The following UBE3C variants were observed in gnomAD, a reference collection of about 807,000 sequenced individuals.
UBE3C encodes ubiquitin-protein ligase E3C.
In UBE3C, 42 loss-of-function variants were observed where a neutral mutation model predicts 129.4. The ratio of observed to expected loss-of-function variants is 0.32; its 90% CI spans 0.25 to 0.42. The LOEUF is 0.42. Ranked by LOEUF, UBE3C falls within the 10% of genes least tolerant of loss-of-function variation. The probability of loss-of-function intolerance (pLI) is 1.00; values close to 1 mark genes in which losing one functional copy is unlikely to be tolerated. For missense variants in UBE3C, 1,049 were observed against 1,319.1 expected (o/e 0.80, Z 3.17); for synonymous variants, 510 against 492.4 (o/e 1.04, Z -0.47).
chr7:157,181,771 C>T (rs1808673009), intron 7 of UBE3C, 100 bp downstream of exon 7: 1 of 1,449,806 alleles, frequency 6.9e-7, no homozygotes, highest in African/African-American at 1.5e-5. Flanking sequence ...ACTTGAAATT[C>T]AGGTTTTTAC....
intron 10 of UBE3C, chr7:157,197,690 A>G: frequency 6.2e-7 from 1 of 1,609,636 alleles, no homozygotes; most frequent in South Asian, 1.1e-5. Context: ...TCGGAAATGA[A>G]GTCACAAGAA....
chr7:157,196,271 C>G (rs1334731633), intron 10 of UBE3C, among the ~76,000 whole-genome samples: 1 of 152,228 alleles, frequency 6.6e-6, no homozygotes, highest in Non-Finnish European at 1.5e-5. Context: ...CGTTTGGACT[C>G]CTAACCTATA....
At chr7:157,195,877 G>A (rs118014838) in intron 10 of UBE3C, among the ~76,000 whole-genome samples, 149 of 152,184 alleles carry the variant, frequency 9.8e-4, no homozygotes, top group East Asian at 6.4e-3. Flanking sequence ...GTGGCGGGGC[G>A]GGGGTTGCAC....
At chr7:157,220,595 G>A (rs1441893599) in intron 14 of UBE3C, 94 bp from the exon 15 acceptor site, 4 of 1,449,866 alleles carry the variant, frequency 2.8e-6, no homozygotes, top group Non-Finnish European at 3.8e-6. Context: ...GCCCACGGTA[G>A]AGAAATGTCC....
At chr7:157,237,268 C>A in intron 18 of UBE3C, among the ~76,000 whole-genome samples, 1 of 151,780 alleles carries the variant, frequency 6.6e-6, no homozygotes, top group East Asian at 2.0e-4. Flanking sequence ...GGTGAAACCC[C>A]ATCTCTACTA....
At chr7:157,144,376 C>T (rs1038141159) in intron 1 of UBE3C, among the ~76,000 whole-genome samples, 4 of 152,074 alleles carry the variant, frequency 2.6e-5, no homozygotes, top group East Asian at 1.9e-4. Flanking sequence ...GAGGGAAATT[C>T]GGTGTCTCGG....
intron 18 of UBE3C, among the ~76,000 whole-genome samples, chr7:157,243,807 G>GT (rs980088249): frequency 3.3e-5 from 5 of 152,114 alleles, no homozygotes; most frequent in African/African-American, 4.8e-5. Context: ...GAATGAAAGG[G>GT]TTTTTTTGCA....
intron 8 of UBE3C, 45 bp from the exon 9 acceptor site, chr7:157,183,833 A>G: frequency 6.4e-7 from 1 of 1,570,434 alleles, no homozygotes; most frequent in East Asian, 2.3e-5. Context: ...CATTTTAAAA[A>G]ATAATGTTTA....
At chr7:157,165,742 A>G (rs751557336) in intron 2 of UBE3C, among the ~76,000 whole-genome samples, 1 of 151,966 alleles carries the variant, frequency 6.6e-6, no homozygotes, top group African/African-American at 2.4e-5. Flanking sequence ...AGTTTTTGTT[A>G]TTTCAGTTCT....
intron 18 of UBE3C, among the ~76,000 whole-genome samples, chr7:157,244,003 G>A (rs550860644): frequency 3.9e-5 from 6 of 152,234 alleles, no homozygotes; most frequent in South Asian, 2.1e-4. Flanking sequence ...AGGCCGAGGC[G>A]GGTGATCACC....
intron 2 of UBE3C, chr7:157,164,395 A>G (rs554805920): frequency 1.8e-4 from 80 of 456,626 alleles, no homozygotes; most frequent in East Asian, 1.3e-3. Flanking sequence ...GCCTCATGCA[A>G]TCGCCTCCCT....
intron 22 of UBE3C, among the ~76,000 whole-genome samples, chr7:157,262,205 G>A (rs939105714): frequency 4.6e-5 from 7 of 151,714 alleles, no homozygotes; most frequent in South Asian, 2.1e-4. Flanking sequence ...TGTAATAAAT[G>A]TTATTTCTGG....
intron 1 of UBE3C, chr7:157,139,898 C>G: frequency 1.5e-6 from 1 of 659,616 alleles, no homozygotes; most frequent in African/African-American, 2.0e-5. Flanking sequence ...GGCAGAACGT[C>G]TCATGAATAG....
At chr7:157,217,522 C>G (rs571070338) in intron 14 of UBE3C, among the ~76,000 whole-genome samples, 1 of 152,148 alleles carries the variant, frequency 6.6e-6, no homozygotes, top group African/African-American at 2.4e-5. Context: ...AAAGCAGATT[C>G]AGTAGTATGA....
chr7:157,140,419 T>C (rs1807410527), intron 1 of UBE3C, among the ~76,000 whole-genome samples: 1 of 152,120 alleles, frequency 6.6e-6, no homozygotes, highest in South Asian at 2.1e-4. Context: ...AGCTTTGAGG[T>C]TCGTGTGATG....
At chr7:157,154,533 A>G (rs577906816) in intron 1 of UBE3C, among the ~76,000 whole-genome samples, 2 of 152,202 alleles carry the variant, frequency 1.3e-5, no homozygotes, top group African/African-American at 2.4e-5. Context: ...CGGCATCTTT[A>G]TATTTGTTAT....
rs372933304 is a variant in UBE3C, at chr7:157,170,231, G to A, written c.196-73G>A. The A allele has an allele frequency of 1.6e-4, 209 of 1,268,526 alleles. 2 individuals are homozygous for A. The South Asian group carries it at 3.0e-3, about 18-fold the overall frequency. The allele number at this position is 1,268,526 out of a possible 1,614,324, so 78.6% of individuals were successfully genotyped here. On this transcript the variant is annotated intron_variant, in intron 3 of 22. Transcript: ENST00000348165. ...CCACCATTCCTGTAAACACAGCAAC[G>A]TATATTTACATCATAAGAATTGTGT...
chr7:157,200,827 G>C (rs1809259254), intron 10 of UBE3C, among the ~76,000 whole-genome samples: 1 of 151,996 alleles, frequency 6.6e-6, no homozygotes, highest in African/African-American at 2.4e-5. Context: ...CATTGCCCAG[G>C]CTGGTCTCAA....
At chr7:157,178,150 C>T (rs1420017681) in intron 5 of UBE3C, among the ~76,000 whole-genome samples, 1 of 152,110 alleles carries the variant, frequency 6.6e-6, no homozygotes, top group East Asian at 1.9e-4. Flanking sequence ...TGCCCGACTG[C>T]TTGTGCTGCC....
Sources: allele counts gnomAD v4.1 joint callset (sites outside exome capture counted in the v4.1 genomes callset), GRCh38; gene constraint gnomAD v4.1.1; transcripts MANE v1.5; gene names NCBI Gene and HGNC (gene_info 2026-07-23, HGNC 2026-07-21).